Variants in ST18 observed in about 807,000 individuals in gnomAD.
ST18 encodes suppression of tumorigenicity 18 protein.
Under a neutral mutation model 110.0 loss-of-function variants are expected in ST18, and 50 were observed. The ratio of observed to expected loss-of-function variants is 0.45; its 90% CI spans 0.36 to 0.58. ST18 has a LOEUF of 0.58. Ranked by LOEUF, ST18 falls within the 20% of genes least tolerant of loss-of-function variation. ST18 has a pLI of 0.00. For synonymous variants in ST18, 461 were observed against 452.4 expected (o/e 1.02, Z -0.24); for missense variants, 1,306 against 1,280.1 (o/e 1.02, Z -0.31).
At chr8:52,305,561 C>T (rs768898123) in intron 2 of ST18, among the ~76,000 whole-genome samples, 2 of 152,214 alleles carry the variant, frequency 1.3e-5, no homozygotes, top group Non-Finnish European at 1.5e-5. Flanking sequence ...ATAAAAATTT[C>T]ACATGAAAAC....
chr8:52,358,235 C>T (rs1824069744), intron 2 of ST18, among the ~76,000 whole-genome samples: 1 of 151,818 alleles, frequency 6.6e-6, no homozygotes, highest in African/African-American at 2.4e-5. Flanking sequence ...TAGCTATAAA[C>T]ACCTCTACTC....
intron 2 of ST18, among the ~76,000 whole-genome samples, chr8:52,284,634 GT>G (rs1483026018): frequency 1.3e-5 from 2 of 152,022 alleles, no homozygotes; most frequent in African/African-American, 4.8e-5. Flanking sequence ...GGAACACCAG[GT>G]TTTGGTTAGA....
At chr8:52,267,739 G>A (rs770112630) in intron 2 of ST18, among the ~76,000 whole-genome samples, 7 of 152,146 alleles carry the variant, frequency 4.6e-5, no homozygotes, top group Non-Finnish European at 7.3e-5. Flanking sequence ...AAAATGTTAA[G>A]CGGGGTATTC....
intron 2 of ST18, chr8:52,405,397 G>A (rs1372944481): frequency 6.6e-6 from 1 of 152,120 alleles, no homozygotes; most frequent in Non-Finnish European, 1.5e-5. Flanking sequence ...AACAACCACA[G>A]CATCCTTTTT....
intron 8 of ST18, among the ~76,000 whole-genome samples, chr8:52,198,087 T>C (rs1340078133): frequency 6.6e-6 from 1 of 152,192 alleles, no homozygotes; most frequent in Non-Finnish European, 1.5e-5. Context: ...AGTGGCGCGA[T>C]CTCGGCTCAC....
intron 2 of ST18, among the ~76,000 whole-genome samples, chr8:52,312,376 A>T (rs1414468447): frequency 2.0e-5 from 3 of 152,206 alleles, no homozygotes; most frequent in South Asian, 2.1e-4. Flanking sequence ...CATGCTTTCA[A>T]AGGAATTTCT....
chr8:52,325,580 GAATT>G (rs1255987718), intron 2 of ST18, among the ~76,000 whole-genome samples: 1 of 152,070 alleles, frequency 6.6e-6, no homozygotes, highest in Non-Finnish European at 1.5e-5. Context: ...CCATACTAAT[GAATT>G]AATAACAATG....
chr8:52,173,973 A>G (rs2065973014), intron 9 of ST18, among the ~76,000 whole-genome samples: 1 of 152,004 alleles, frequency 6.6e-6, no homozygotes, highest in African/African-American at 2.4e-5. Flanking sequence ...CTTTCTGGTA[A>G]TTATCTCCCT....
At chr8:52,116,935 A>G (rs1236275983) in intron 24 of ST18, among the ~76,000 whole-genome samples, 2 of 151,920 alleles carry the variant, frequency 1.3e-5, no homozygotes, top group Non-Finnish European at 1.5e-5. Flanking sequence ...CCATTACCCC[A>G]TCTAATCTCT....
chr8:52,249,755 T>C lies in ST18; in HGVS notation c.-464-19678A>G, dbSNP rs1300962553. Among the ~76,000 whole-genome samples, 17 of 152,094 alleles carry C rather than the reference T, an allele frequency of 1.1e-4. 1 individual carries two copies. Among genetic ancestry groups the C allele is most frequent in the Admixed American group, 9.8e-4 (15 of 15,256 alleles). On this transcript the variant is annotated intron_variant, in intron 2 of 25. Transcript: ENST00000689386. Reference sequence around the variant, plus strand: ...GGTTATTTGCAGGTAATAAAATACATGCATATTTAGCCCAAACAACGATAG... The same window carrying C: ...GGTTATTTGCAGGTAATAAAATACACGCATATTTAGCCCAAACAACGATAG...
chr8:52,127,897 C>T (rs1325549123), intron 22 of ST18, among the ~76,000 whole-genome samples: 1 of 151,636 alleles, frequency 6.6e-6, no homozygotes, highest in African/African-American at 2.4e-5. Context: ...GTATTTGGCT[C>T]CATACTGGAA....
intron 23 of ST18, 46 bp downstream of exon 23, chr8:52,126,006 G>A (rs766599796): frequency 3.2e-6 from 5 of 1,539,522 alleles, no homozygotes; most frequent in Admixed American, 1.7e-5. Flanking sequence ...GGGAGCCAGG[G>A]TCTACACCCT....
chr8:52,167,007 G>A (rs772279827), intron 10 of ST18, 21 bp from the exon 11 acceptor site: 6 of 1,592,668 alleles, frequency 3.8e-6, no homozygotes, highest in South Asian at 1.1e-5. Context: ...ATTCAATTGA[G>A]AAATGCATTT....
At position 52,178,590 on chromosome 8, in the gene ST18, C is replaced by G. The variant is rs141810423; in HGVS notation, c.277+1532G>C. Among the ~76,000 whole-genome samples the G allele has an allele frequency of 5.6e-4, 67 of 118,824 alleles. No homozygotes were observed. The East Asian group carries it at 0.016, about 28-fold the overall frequency. The allele number at this position is 118,824 out of a possible 152,430, so 78.0% of individuals were successfully genotyped here. ...TGAGATCCCACCATTGCACTCCAGC[C>G]TGGGCGACAAAGTGAGACTCCATCA... On this transcript the variant is annotated intron_variant, in intron 9 of 25. Transcript: ENST00000689386.
At chr8:52,245,283 A>T (rs1353478767) in intron 2 of ST18, among the ~76,000 whole-genome samples, 6 of 152,146 alleles carry the variant, frequency 3.9e-5, no homozygotes, top group Admixed American at 6.5e-5. Flanking sequence ...TTTAATCTAC[A>T]TTCCAGGAAT....
intron 2 of ST18, among the ~76,000 whole-genome samples, chr8:52,280,939 A>G (rs896292630): frequency 6.6e-6 from 1 of 152,094 alleles, no homozygotes; most frequent in African/African-American, 2.4e-5. Context: ...AAAAATGATG[A>G]TATACTAGAA....
chr8:52,325,767 G>T (rs937517683), intron 2 of ST18, among the ~76,000 whole-genome samples: 5 of 152,104 alleles, frequency 3.3e-5, no homozygotes, highest in Non-Finnish European at 7.3e-5. Context: ...ACCAGACTCT[G>T]TGCTACTCTT....
At chr8:52,330,672 T>C (rs1808830900) in intron 2 of ST18, among the ~76,000 whole-genome samples, 1 of 152,212 alleles carries the variant, frequency 6.6e-6, no homozygotes, top group South Asian at 2.1e-4. Context: ...CATGTGGAGA[T>C]GACCGGCTCT....
At chr8:52,242,577 G>A (rs930285204) in intron 2 of ST18, among the ~76,000 whole-genome samples, 3 of 152,244 alleles carry the variant, frequency 2.0e-5, no homozygotes, top group African/African-American at 7.2e-5. Flanking sequence ...TGTGGCCCAT[G>A]CCTGTAATCC....
Sources: allele counts gnomAD v4.1 joint callset (sites outside exome capture counted in the v4.1 genomes callset), GRCh38; gene constraint gnomAD v4.1.1; transcripts MANE v1.5; gene names NCBI Gene and HGNC (gene_info 2026-07-23, HGNC 2026-07-21).